The following KDM4B variants were observed in gnomAD, a reference collection of about 807,000 sequenced individuals.
The protein encoded by KDM4B is lysine demethylase 4B.
KDM4B carries 32 observed loss-of-function variants against 125.2 expected under a neutral mutation model. The observed-to-expected ratio is 0.26, with a 90% confidence interval of 0.19 to 0.34. The LOEUF (loss-of-function observed/expected upper bound fraction) is 0.34, where lower values mean the gene tolerates loss of function less well. KDM4B is among the 10% of genes least tolerant of loss of function. The pLI, the probability that KDM4B is intolerant of heterozygous loss-of-function variation, is 1.00. For synonymous variants in KDM4B, 721 were observed against 677.9 expected, an observed-to-expected ratio of 1.06 and a Z score of -0.99; for missense variants, 1,190 against 1,577.7, an observed-to-expected ratio of 0.75 and a Z score of 4.16.
chr19:5,031,686 C>T (rs1411483554), intron 2 of KDM4B, among the ~76,000 whole-genome samples: 1 of 152,220 alleles, frequency 6.6e-6, no homozygotes, highest in Non-Finnish European at 1.5e-5. Context: ...GCGACCTCGG[C>T]TTTGCTTTTG....
At chr19:4,980,115 A>AT (rs2034584423) in intron 1 of KDM4B, among the ~76,000 whole-genome samples, 1 of 144,456 alleles carries the variant, frequency 6.9e-6, no homozygotes, top group South Asian at 2.2e-4. Flanking sequence ...AAAAAAAAAA[A>AT]GATACAATTT....
intron 2 of KDM4B, among the ~76,000 whole-genome samples, chr19:5,018,432 G>A (rs2035959828): frequency 2.0e-5 from 3 of 152,212 alleles, no homozygotes; most frequent in Admixed American, 2.0e-4. Context: ...CAGGAGACAG[G>A]AGTAAGGGAG....
rs753859394 is a variant in KDM4B, at chr19:5,114,144, G to A, written c.1115+3326G>A. The A allele has an allele frequency of 3.1e-6, 4 of 1,289,430 alleles. No homozygotes were observed. The South Asian group carries it at 4.9e-5, about 16-fold the overall frequency. The allele number at this position is 1,289,430 out of a possible 1,614,324, so 79.9% of individuals were successfully genotyped here. On this transcript the variant is annotated intron_variant, in intron 10 of 22. Transcript: ENST00000159111. This position sits in a 1 kb window ranked among gnomAD's most constrained non-coding sequence, Gnocchi z 5.8. ...CTGCCTGAGCCGGAGCCCTCACAGTGCTCTCTGGCACCCACGCGACGCTCC... is the reference window on the plus strand; with the variant it reads ...CTGCCTGAGCCGGAGCCCTCACAGTACTCTCTGGCACCCACGCGACGCTCC...
chr19:5,097,722 G>A (rs995333710), intron 9 of KDM4B, among the ~76,000 whole-genome samples: 9 of 152,258 alleles, frequency 5.9e-5, no homozygotes, highest in East Asian at 1.9e-4. Context: ...GGCAGAGAGC[G>A]CGTTGGCCAC....
chr19:5,105,557 C>G (rs1220595722), intron 9 of KDM4B, among the ~76,000 whole-genome samples: 3 of 152,190 alleles, frequency 2.0e-5, no homozygotes, highest in Non-Finnish European at 2.9e-5. Context: ...CTCAGCCTCC[C>G]AAGTAGCTAA....
chr19:5,115,123 G>A lies in KDM4B; in HGVS notation c.1115+4305G>A, dbSNP rs2039229731. Among the ~76,000 whole-genome samples, 1 of 152,176 alleles carries A rather than the reference G, an allele frequency of 6.6e-6. No individual in the cohort carries two copies. Among genetic ancestry groups the A allele is most frequent in the African/African-American group, 2.4e-5 (1 of 41,438 alleles). On this transcript the variant is annotated intron_variant, in intron 10 of 22. Coordinates refer to ENST00000159111, the MANE Select transcript of KDM4B (RefSeq NM_015015.3). This position sits in a 1 kb window ranked among gnomAD's most constrained non-coding sequence, Gnocchi z 4.2. ...GGAGACCCCATGGGCCGGCAACCAGGAGGACAGCCAGCAGGGAGCAGCTGG... is the reference window on the plus strand; with the variant it reads ...GGAGACCCCATGGGCCGGCAACCAGAAGGACAGCCAGCAGGGAGCAGCTGG...
intron 6 of KDM4B, among the ~76,000 whole-genome samples, chr19:5,060,092 T>C (rs1405930873): frequency 6.6e-6 from 1 of 152,196 alleles, no homozygotes; most frequent in East Asian, 1.9e-4. Flanking sequence ...CCCACGGGGC[T>C]GGGCTCATGT....
At position 5,035,288 on chromosome 19, in the gene KDM4B, A is replaced by G. The variant is rs934168387; in HGVS notation, c.141+2257A>G. ...TCTCCTGCCCTTGACCTACTTCCACATTTCCCAGGATGCAGCAGCCCTTTC... is the reference window on the plus strand; with the variant it reads ...TCTCCTGCCCTTGACCTACTTCCACGTTTCCCAGGATGCAGCAGCCCTTTC... On this transcript the variant is annotated intron_variant, in intron 3 of 22. Transcript: ENST00000159111. The surrounding 1 kb of genome is among the most constrained non-coding windows in gnomAD (Gnocchi z 5.3). Among the ~76,000 whole-genome samples the G allele has an allele frequency of 5.9e-5, 9 of 151,738 alleles. No individual in the cohort carries two copies. Among genetic ancestry groups the G allele is most frequent in the Non-Finnish European group, 8.8e-5 (6 of 67,910 alleles).
chr19:4,980,956 C>T (rs1170835854), intron 1 of KDM4B, among the ~76,000 whole-genome samples: 39 of 74,338 alleles, frequency 5.2e-4, no homozygotes, highest in East Asian at 4.6e-3. Context: ...CTGGGGTGGG[C>T]GGGGTCAGCT....
At chr19:5,111,448 G>A (rs1273134079) in intron 10 of KDM4B, 2 of 765,202 alleles carry the variant, frequency 2.6e-6, no homozygotes, top group African/African-American at 3.4e-5. Context: ...AGAGGCCAAA[G>A]CATCTGCAGC....
chr19:5,132,757 C>T (rs2039581235), intron 13 of KDM4B, among the ~76,000 whole-genome samples: 1 of 152,112 alleles, frequency 6.6e-6, no homozygotes, highest in Non-Finnish European at 1.5e-5. Context: ...TTTGGTGAGA[C>T]CGGAGCATTT....
intron 18 of KDM4B, among the ~76,000 whole-genome samples, chr19:5,143,059 C>T (rs1419520106): frequency 6.6e-6 from 1 of 152,108 alleles, no homozygotes; most frequent in African/African-American, 2.4e-5. Flanking sequence ...TGCGCGATGG[C>T]TCACGCCTGT....
intron 1 of KDM4B, among the ~76,000 whole-genome samples, chr19:5,006,772 CAAA>C (rs537946416): frequency 2.4e-5 from 3 of 127,496 alleles, no homozygotes; most frequent in Admixed American, 7.8e-5. Flanking sequence ...AACTCCATCT[CAAA>C]AAAAAAAAAA....
At chr19:4,975,593 ATT>A (rs10674194) in intron 1 of KDM4B, among the ~76,000 whole-genome samples, 3 of 138,268 alleles carry the variant, frequency 2.2e-5, no homozygotes, top group Admixed American at 7.2e-5. Context: ...GAGTGAATGA[ATT>A]TTTTTTTTTT....
chr19:4,979,933 T>A (rs1302596777), intron 1 of KDM4B, among the ~76,000 whole-genome samples: 1 of 151,970 alleles, frequency 6.6e-6, no homozygotes, highest in African/African-American at 2.4e-5. Context: ...TGAAACCCCA[T>A]CTCTACTAAC....
intron 9 of KDM4B, among the ~76,000 whole-genome samples, chr19:5,097,223 C>T (rs2038845973): frequency 6.6e-6 from 1 of 152,216 alleles, no homozygotes; most frequent in Admixed American, 6.5e-5. Flanking sequence ...CCACGTGGCG[C>T]ATCAGTCGGC....
intron 1 of KDM4B, among the ~76,000 whole-genome samples, chr19:4,998,430 C>T (rs574845067): frequency 2.6e-5 from 4 of 152,300 alleles, no homozygotes; most frequent in South Asian, 4.1e-4. Flanking sequence ...ACCTTTCACC[C>T]AGGACCCCCA....
At chr19:4,983,169 T>G (rs1364218000) in intron 1 of KDM4B, among the ~76,000 whole-genome samples, 1 of 149,802 alleles carries the variant, frequency 6.7e-6, no homozygotes, top group African/African-American at 2.5e-5. Flanking sequence ...GTCTTTGACA[T>G]TCATTGTGTA....
In KDM4B at chr19:5,055,189, C is replaced by A. The variant is rs545794743; in HGVS notation, c.626+7520C>A. Among the ~76,000 whole-genome samples, 3 of 152,306 alleles carry A rather than the reference C, an allele frequency of 2.0e-5. No individual in the cohort carries two copies. The South Asian group carries it at 6.2e-4, about 32-fold the overall frequency. ...CTCAGCTGTGTCTCGTGATGGTGTC[C>A]CCAAGGACTGGGAGAACACCTCTCG... On this transcript the variant is annotated intron_variant, in intron 6 of 22. Coordinates refer to ENST00000159111, the MANE Select transcript of KDM4B (RefSeq NM_015015.3).
Sources: allele counts gnomAD v4.1 joint callset (sites outside exome capture counted in the v4.1 genomes callset), GRCh38; gene constraint gnomAD v4.1.1; non-coding constraint Gnocchi (gnomAD v3.1); transcripts MANE v1.5; gene names NCBI Gene and HGNC (gene_info 2026-07-23, HGNC 2026-07-21).